Variants in PHACTR1 observed in about 807,000 individuals in gnomAD.
The protein encoded by PHACTR1 is RPEL repeat containing 1.
In PHACTR1, 16 loss-of-function variants were observed where a neutral mutation model predicts 69.2. The ratio of observed to expected loss-of-function variants is 0.23; its 90% CI spans 0.16 to 0.35. The LOEUF is 0.35. Ranked by LOEUF, PHACTR1 falls within the 10% of genes least tolerant of loss-of-function variation. The pLI, the probability that PHACTR1 is intolerant of heterozygous loss-of-function variation, is 1.00. For synonymous variants in PHACTR1, 312 were observed against 284.5 expected (o/e 1.10, Z -0.97); for missense variants, 510 against 734.7 (o/e 0.69, Z 3.54).
chr6:13,194,512 C>A (rs1041414682), intron 7 of PHACTR1, among the ~76,000 whole-genome samples: 1 of 151,926 alleles, frequency 6.6e-6, no homozygotes, highest in African/African-American at 2.4e-5. Flanking sequence ...AATTACATGC[C>A]CTGCAAGGGT....
At chr6:12,862,441 A>G (rs893965720) in intron 4 of PHACTR1, among the ~76,000 whole-genome samples, 2 of 152,110 alleles carry the variant, frequency 1.3e-5, no homozygotes, top group Non-Finnish European at 2.9e-5. Flanking sequence ...GAAGGAGGAA[A>G]CACACCTCTA....
At chr6:13,273,031 C>CT in intron 11 of PHACTR1, 116 bp downstream of exon 11, 1 of 1,443,156 alleles carries the variant, frequency 6.9e-7, no homozygotes, top group Non-Finnish European at 9.4e-7. Flanking sequence ...GAAAACCTTT[C>CT]TAACGGTTGA....
intron 5 of PHACTR1, among the ~76,000 whole-genome samples, chr6:13,131,216 C>T (rs139752752): frequency 0.075 from 2,566 of 34,112 alleles, 37 homozygotes; most frequent in Admixed American, 0.19. Flanking sequence ...CATACACACA[C>T]ACACACACAC....
chr6:13,133,033 T>G (rs1181550312), intron 5 of PHACTR1, among the ~76,000 whole-genome samples: 2 of 152,202 alleles, frequency 1.3e-5, no homozygotes, highest in East Asian at 3.8e-4. Context: ...TCAACTAAGT[T>G]AATATAATAT....
chr6:13,016,895 A>T (rs1227475396), intron 4 of PHACTR1, among the ~76,000 whole-genome samples: 1 of 152,278 alleles, frequency 6.6e-6, no homozygotes, highest in Non-Finnish European at 1.5e-5. Context: ...TCACTTTAAA[A>T]CCAAGATGCG....
intron 4 of PHACTR1, among the ~76,000 whole-genome samples, chr6:12,906,734 C>A (rs1480960085): frequency 1.3e-5 from 2 of 152,188 alleles, no homozygotes; most frequent in Non-Finnish European, 2.9e-5. Context: ...AAACTGAATA[C>A]ACTTCATGAC....
At chr6:13,200,874 G>C (rs987761848) in intron 7 of PHACTR1, among the ~76,000 whole-genome samples, 6 of 151,440 alleles carry the variant, frequency 4.0e-5, no homozygotes, top group African/African-American at 1.5e-4. Context: ...ACCCGGGAGC[G>C]GGAGGTTGCA....
At chr6:13,086,169 G>T (rs1416329786) in intron 5 of PHACTR1, among the ~76,000 whole-genome samples, 4 of 146,492 alleles carry the variant, frequency 2.7e-5, no homozygotes, top group Non-Finnish European at 4.5e-5. Context: ...AGGAAAAACT[G>T]AGAACAACTT....
intron 10 of PHACTR1, among the ~76,000 whole-genome samples, chr6:13,265,701 G>A (rs1170480406): frequency 1.3e-5 from 2 of 152,136 alleles, no homozygotes; most frequent in African/African-American, 4.8e-5. Context: ...ACTTCAGAAA[G>A]CCTTAGCATT....
intron 4 of PHACTR1, among the ~76,000 whole-genome samples, chr6:13,007,502 T>C (rs4236097): frequency 0.48 from 73,322 of 151,476 alleles, 19,704 homozygotes; most frequent in African/African-American, 0.73. Flanking sequence ...TTTTTTAACT[T>C]AGAATAAGAG....
chr6:12,940,785 G>A (rs6941877), intron 4 of PHACTR1, among the ~76,000 whole-genome samples: 21,795 of 152,088 alleles, frequency 0.14, 3,366 homozygotes, highest in African/African-American at 0.39. Flanking sequence ...CCATTAGTGG[G>A]ACTATTTTAA....
chr6:13,017,460 TAGAG>T (rs1239696257), intron 4 of PHACTR1, among the ~76,000 whole-genome samples: 2 of 152,112 alleles, frequency 1.3e-5, no homozygotes, highest in Non-Finnish European at 2.9e-5. Flanking sequence ...ACCTACTTGA[TAGAG>T]AGGCTGACTT....
At chr6:12,859,489 A>G (rs1399627727) in intron 4 of PHACTR1, among the ~76,000 whole-genome samples, 3 of 152,222 alleles carry the variant, frequency 2.0e-5, no homozygotes, top group Non-Finnish European at 4.4e-5. Context: ...TGAACTGAAT[A>G]TTGTACCAAT....
At chr6:13,069,554 T>C (rs944742399) in intron 5 of PHACTR1, among the ~76,000 whole-genome samples, 2 of 152,110 alleles carry the variant, frequency 1.3e-5, no homozygotes, top group East Asian at 1.9e-4. Context: ...TTCAACATAT[T>C]GTTCTTTCTT....
chr6:12,779,938 C>A (rs942452763), intron 4 of PHACTR1, among the ~76,000 whole-genome samples: 1 of 152,098 alleles, frequency 6.6e-6, no homozygotes, highest in East Asian at 1.9e-4. Context: ...ACTCACTGAG[C>A]TTTAAATGCT....
rs1762293939 is a variant in PHACTR1 at position 13,182,440 on chromosome 6, A to T, written c.497-79A>T. The stretch of plus-strand genomic sequence containing the variant: ...ACCTTGATTGTTCAGCAGCATCTAG[A>T]CTCAGCAGGCGGGAAGTGCCACTCT... On this transcript the variant is annotated intron_variant, in intron 6 of 14. Coordinates refer to ENST00000332995, the MANE Select transcript of PHACTR1 (RefSeq NM_030948.6). 17 of 1,469,068 alleles carry T rather than the reference A, an allele frequency of 1.2e-5. 1 individual carries two copies. The East Asian group carries it at 3.8e-4, about 33-fold the overall frequency. 91.0% of individuals were successfully genotyped at this position (1,469,068 alleles called of 1,614,324 possible). A position where few individuals can be genotyped will look rare whatever the true frequency, so the allele number is the denominator to read the frequency against.
At chr6:13,048,612 G>A (rs187097595) in intron 4 of PHACTR1, among the ~76,000 whole-genome samples, 238 of 151,028 alleles carry the variant, frequency 1.6e-3, no homozygotes, top group African/African-American at 4.8e-3. Context: ...TTAGCTCACC[G>A]CAACCTCTGC....
At chr6:12,866,046 G>A (rs905953207) in intron 4 of PHACTR1, among the ~76,000 whole-genome samples, 1 of 152,140 alleles carries the variant, frequency 6.6e-6, no homozygotes, top group Non-Finnish European at 1.5e-5. Context: ...GAGTGATTCC[G>A]GAGGGAGATT....
chr6:12,797,040 T>TGTGAGAGA lies in PHACTR1; in HGVS notation c.250+47251_250+47252insTGAGAGAG, dbSNP rs563796658. Reference sequence around the variant, plus strand: ...GTGTGTGTGTGTGTGTGTGTGTGTGTGAGAGAGAGAGAGAGAGGGATATGA... The same window carrying TGTGAGAGA: ...GTGTGTGTGTGTGTGTGTGTGTGTGTGTGAGAGAGAGAGAGAGAGAGAGAGGGATATGA... On this transcript the variant is annotated intron_variant, in intron 4 of 14. Transcript: ENST00000332995. 6.2e-4 allele frequency among the ~76,000 whole-genome samples: 83 copies of TGTGAGAGA among 133,394 alleles called. 1 individual carries two copies. The highest frequency in any genetic ancestry group is 1.7e-3 in the Admixed American group (22 of 12,836). 87.5% of individuals were successfully genotyped at this position (133,394 alleles called of 152,430 possible). A position where few individuals can be genotyped will look rare whatever the true frequency, so the allele number is the denominator to read the frequency against.
Sources: gnomAD v4.1 joint callset for allele counts (sites outside exome capture counted in the v4.1 genomes callset) on GRCh38, gnomAD v4.1.1 for gene constraint, MANE v1.5 for transcripts, NCBI Gene and HGNC (gene_info 2026-07-23, HGNC 2026-07-21) for gene names.